CAPN12: variants seen among roughly 807,000 people sequenced by gnomAD.
The protein encoded by CAPN12 is calpain-12.
CAPN12 carries 107 observed loss-of-function variants against 95.0 expected under a neutral mutation model. The observed-to-expected ratio is 1.13, with a 90% confidence interval of 0.96 to 1.32. The LOEUF is 1.32. Among genes scored for constraint, CAPN12 ranks in the 40% most tolerant of loss-of-function variants. CAPN12 has a pLI of 0.00. For synonymous variants in CAPN12, 505 were observed against 415.5 expected (o/e 1.22, Z -2.62); for missense variants, 1,136 against 997.8 (o/e 1.14, Z -1.87).
chr19:38,736,907 G>GCCC, intron 10 of CAPN12: 1 of 240,944 alleles, frequency 4.2e-6, no homozygotes, highest in Non-Finnish European at 7.0e-6. Flanking sequence ...TGGCCCCCCA[G>GCCC]CCCTACTAGC....
chr19:38,742,791 C>G (rs191547054), intron 2 of CAPN12, among the ~76,000 whole-genome samples: 1 of 134,116 alleles, frequency 7.5e-6, no homozygotes, highest in East Asian at 2.3e-4. Flanking sequence ...GTTAAGGCTG[C>G]AGTGAGCTAT....
Position 38,744,393 on chromosome 19 carries a change from C to T in CAPN12, c.-228G>A, listed in dbSNP as rs554273314. On this transcript the variant is annotated 5_prime_UTR_variant, in exon 1 of 21. Transcript: ENST00000328867. ...GTGGCCAAGGTAGCAGCTTAATGGG[C>T]TTGGCCAGCAGCAGGAGAGAAGGCG... 4 of 585,920 alleles carry T rather than the reference C, an allele frequency of 6.8e-6. No individual in the cohort carries two copies. The Admixed American group carries it at 1.2e-4, about 18-fold the overall frequency. The allele number at this position is 585,920 out of a possible 1,614,324, so 36.3% of individuals were successfully genotyped here.
Position 38,730,637 on chromosome 19 carries a change from C to T in CAPN12, c.*215G>A, listed in dbSNP as rs966244070. The T allele has an allele frequency of 8.0e-6, 5 of 624,242 alleles. No homozygotes were observed. Among genetic ancestry groups the T allele is most frequent in the Non-Finnish European group, 1.1e-5 (4 of 350,804 alleles). 38.7% of individuals were successfully genotyped at this position (624,242 alleles called of 1,614,324 possible). A position where few individuals can be genotyped will look rare whatever the true frequency, so the allele number is the denominator to read the frequency against. On this transcript the variant is annotated 3_prime_UTR_variant, in exon 21 of 21. Coordinates refer to ENST00000328867, the MANE Select transcript of CAPN12 (RefSeq NM_144691.4). Reference sequence around the variant, plus strand: ...CTTAAGCTGTCAACGTGGACTAGCTCGTGTCATCTGCTCGAGAAGGGCTGT... The same window carrying T: ...CTTAAGCTGTCAACGTGGACTAGCTTGTGTCATCTGCTCGAGAAGGGCTGT...
At chr19:38,732,335 T>TC (rs1273695602) in intron 18 of CAPN12, among the ~76,000 whole-genome samples, 3 of 152,124 alleles carry the variant, frequency 2.0e-5, no homozygotes, top group African/African-American at 7.2e-5. Context: ...TTGGGCTTTT[T>TC]CTTTTTTCTT....
At chr19:38,742,273 G>A (rs890546280) in intron 3 of CAPN12, 137 bp downstream of exon 3, 1 of 724,272 alleles carries the variant, frequency 1.4e-6, no homozygotes, top group East Asian at 2.7e-5. Flanking sequence ...AGGTTGCAGT[G>A]AGCCGAGATT....
Position 38,741,726 on chromosome 19 carries a change from T to A in CAPN12, c.560+51A>T, listed in dbSNP as rs749725515. The A allele has an allele frequency of 3.1e-6, 5 of 1,603,672 alleles. No homozygotes were observed. In the East Asian group the frequency reaches 1.1e-4, roughly 36 times the overall value. On this transcript the variant is annotated intron_variant, in intron 4 of 20. Coordinates refer to ENST00000328867, the MANE Select transcript of CAPN12 (RefSeq NM_144691.4). ...GACTCTGGGTCCCCCTGTGGCTTGATGCCTGCTGTGGGGACTTAGGGCTGC... is the reference window on the plus strand; with the variant it reads ...GACTCTGGGTCCCCCTGTGGCTTGAAGCCTGCTGTGGGGACTTAGGGCTGC...
chr19:38,735,954 GGGGT>G (rs1970079252), intron 12 of CAPN12, among the ~76,000 whole-genome samples, 152 bp downstream of exon 12: 1 of 14,924 alleles, frequency 6.7e-5, no homozygotes, highest in Non-Finnish European at 1.8e-4. Flanking sequence ...GGGCGGGGCG[GGGGT>G]TCTGGGGGCG....
Position 38,743,109 on chromosome 19 carries a change from G to T in CAPN12, c.238-7C>A, listed in dbSNP as rs369603240. Reference sequence around the variant, plus strand: ...TCGGCTCAGCACAGAACTCCTGTGGGTGGTGGGGGATTCCAGGCCTCAGCC... The same window carrying T: ...TCGGCTCAGCACAGAACTCCTGTGGTTGGTGGGGGATTCCAGGCCTCAGCC... On this transcript the variant is annotated splice_region_variant and splice_polypyrimidine_tract_variant and intron_variant, in intron 1 of 20. Transcript: ENST00000328867. 6 of 1,613,918 alleles carry T rather than the reference G, an allele frequency of 3.7e-6. No individual in the cohort carries two copies. Among genetic ancestry groups the T allele is most frequent in the Non-Finnish European group, 5.1e-6 (6 of 1,179,946 alleles).
rs1228262298 is a variant in CAPN12 at position 38,736,187 on chromosome 19, CA to C, written c.1505del (p.Val502GlyfsTer32). On this transcript the variant is annotated frameshift_variant, in exon 12 of 21. Coordinates refer to ENST00000328867, the MANE Select transcript of CAPN12 (RefSeq NM_144691.4). LOFTEE classifies it high-confidence loss of function. The part of the protein sequence containing the change: ...RCCLRPGHYL[V>X]VPSTAHAGDE... ...CGCCGGCGTGGGCGGTGCTCGGCACCACCAGGTAGTGGCCTGGACGCAGGCA... is the reference window on the plus strand; with the variant it reads ...CGCCGGCGTGGGCGGTGCTCGGCACCCCAGGTAGTGGCCTGGACGCAGGCA... The C allele has an allele frequency of 5.3e-6, 8 of 1,513,466 alleles. No homozygotes were observed. The highest frequency in any genetic ancestry group is 6.2e-6 in the Non-Finnish European group (7 of 1,135,220). The allele number at this position is 1,513,466 out of a possible 1,614,324, so 93.8% of individuals were successfully genotyped here. A position where few individuals can be genotyped will look rare whatever the true frequency, so the allele number is the denominator to read the frequency against.
At chr19:38,736,485 CAGGTTGA>C (rs1970164710) in intron 11 of CAPN12, 60 bp downstream of exon 11, 3 of 503,594 alleles carry the variant, frequency 6.0e-6, no homozygotes, top group African/African-American at 3.5e-5. Flanking sequence ...AGCCCCAGGG[CAGGTTGA>C]CCAAGCCCCA....
chr19:38,741,627 A>C, intron 4 of CAPN12, 150 bp downstream of exon 4: 1 of 822,900 alleles, frequency 1.2e-6, no homozygotes, highest in South Asian at 1.9e-5. Context: ...TGATGTTGTG[A>C]TATGAGGGTT....
Position 38,738,652 on chromosome 19 carries a change from G to A in CAPN12, c.730-4C>T, listed in dbSNP as rs745818311. ...TGCGGTACTCACCCCGATCACTCTG[G>A]GCAGGGGATGGGATGGTGAGGCCAA... On this transcript the variant is annotated splice_polypyrimidine_tract_variant and splice_region_variant and intron_variant, in intron 5 of 20. Coordinates refer to ENST00000328867, the MANE Select transcript of CAPN12 (RefSeq NM_144691.4). 6.2e-7 allele frequency: 1 copy of A among 1,613,906 alleles called. No homozygotes were observed. The highest frequency in any genetic ancestry group is 1.1e-5 in the South Asian group (1 of 91,078).
intron 10 of CAPN12, chr19:38,736,860 CCT>C (rs1447170101): frequency 1.7e-5 from 10 of 584,512 alleles, no homozygotes; most frequent in Non-Finnish European, 2.7e-5. Context: ...TGAGCCCCTC[CCT>C]CTCATTCCCT....
rs748536628 is a variant in CAPN12, at chr19:38,734,126, C to T, written c.1878+16G>A. ...GTTTCTCTCTTTCTGGGAAGAGGCC[C>T]AGTCTCCCACCTCACCTGCCACTCC... On this transcript the variant is annotated intron_variant, in intron 17 of 20. Coordinates refer to ENST00000328867, the MANE Select transcript of CAPN12 (RefSeq NM_144691.4). 1.9e-6 allele frequency: 3 copies of T among 1,611,866 alleles called. No individual in the cohort carries two copies. The highest frequency in any genetic ancestry group is 2.5e-6 in the Non-Finnish European group (3 of 1,179,468).
chr19:38,731,035 G>A lies in CAPN12; in HGVS notation c.2075-12C>T. ...CTGGCTGCAGTGGCCTGTGCAGAGA[G>A]GGGCAGGGTGAGTGCCCACCAGTCC... is the stretch of plus-strand genomic sequence containing the variant. On this transcript the variant is annotated splice_polypyrimidine_tract_variant and intron_variant, in intron 19 of 20. Transcript: ENST00000328867. 6.4e-7 allele frequency: 1 copy of A among 1,556,290 alleles called. No individual in the cohort carries two copies. The highest frequency in any genetic ancestry group is 8.7e-7 in the Non-Finnish European group (1 of 1,150,530).
At position 38,736,119 on chromosome 19, in the gene CAPN12, T is replaced by G; in HGVS notation, c.1574A>C (p.His525Pro). The change falls in exon 12 of 21, where the codon CAC becomes CCC. Residue 525 changes from histidine to proline, a missense_variant. His to Pro is a moderately conservative substitution (Grantham distance 77, BLOSUM62 -2). Coordinates refer to ENST00000328867, the MANE Select transcript of CAPN12 (RefSeq NM_144691.4). ...GGTGCCCGGGGCTCACACGGCCGTG[T>G]GGCGGCGCTCGGAGAAGACACGCAG... ...FTLRVFSERR[H>P]TAVEIDDVIS... 6.7e-7 allele frequency: 1 copy of G among 1,502,090 alleles called. No homozygotes were observed. Among genetic ancestry groups the G allele is most frequent in the Non-Finnish European group, 8.9e-7 (1 of 1,129,182 alleles). 93.0% of individuals were successfully genotyped at this position (1,502,090 alleles called of 1,614,324 possible).
chr19:38,731,989 G>A (rs1405704001), intron 18 of CAPN12, among the ~76,000 whole-genome samples: 2 of 152,262 alleles, frequency 1.3e-5, no homozygotes, highest in African/African-American at 4.8e-5. Flanking sequence ...GGGCATAGGG[G>A]TGGAGGCTGC....
intron 18 of CAPN12, among the ~76,000 whole-genome samples, chr19:38,731,833 C>G (rs987869042): frequency 6.6e-6 from 1 of 152,240 alleles, no homozygotes; most frequent in African/African-American, 2.4e-5. Flanking sequence ...TGTGTTCATT[C>G]TCTTCACAAA....
rs572678288 is a variant in CAPN12, at chr19:38,742,942, G to A, written c.307+91C>T. The A allele has an allele frequency of 2.6e-6, 3 of 1,160,288 alleles. No homozygotes were observed. The Admixed American group carries it at 5.4e-5, about 21-fold the overall frequency. The allele number at this position is 1,160,288 out of a possible 1,614,324, so 71.9% of individuals were successfully genotyped here. A position where few individuals can be genotyped will look rare whatever the true frequency, so the allele number is the denominator to read the frequency against. On this transcript the variant is annotated intron_variant, in intron 2 of 20. Coordinates refer to ENST00000328867, the MANE Select transcript of CAPN12 (RefSeq NM_144691.4). ...GAAGAGACTGAGGAGGGATCCAGGG[G>A]CCGGGAGTGGGTGGACAAAGGGATG...
Sources: allele counts gnomAD v4.1 joint callset (sites outside exome capture counted in the v4.1 genomes callset), GRCh38; gene constraint gnomAD v4.1.1; transcripts MANE v1.5; gene names NCBI Gene and HGNC (gene_info 2026-07-23, HGNC 2026-07-21).